The following MUC7 variants were observed in gnomAD, a reference collection of about 807,000 sequenced individuals.
The protein encoded by MUC7 is mucin-7.
A neutral mutation model predicts 2.5 loss-of-function variants in MUC7; 2 were observed. The ratio of observed to expected loss-of-function variants is 0.81; its 90% CI spans 0.33 to 2.55. MUC7 has a LOEUF of 2.55. MUC7 is among the 30% of genes most tolerant of loss of function. MUC7 has a pLI of 0.11. For synonymous variants in MUC7, 133 were observed against 173.4 expected (o/e 0.77, Z 1.83); for missense variants, 408 against 455.6 (o/e 0.90, Z 0.95).
At chr4:70,439,751 T>A (rs909012070) in intron 1 of MUC7, among the ~76,000 whole-genome samples, 3 of 152,102 alleles carry the variant, frequency 2.0e-5, no homozygotes, top group Non-Finnish European at 4.4e-5. Flanking sequence ...AGTGAAAATT[T>A]AAAAGCACTA....
upstream of MUC7, among the ~76,000 whole-genome samples, chr4:70,467,759 C>T (rs1485848723): frequency 2.0e-5 from 3 of 152,094 alleles, no homozygotes; most frequent in Admixed American, 1.3e-4. Context: ...GAAACTGAGG[C>T]AGTAATTAAT....
rs41459148 is a variant in MUC7, at chr4:70,481,270, A to T, written c.526A>T (p.Thr176Ser). 2,180 of 1,610,748 alleles carry T rather than the reference A, an allele frequency of 1.4e-3. 1 individual carries two copies. In the African/African-American group the frequency reaches 0.028, roughly 20 times the overall value. Residue 176 changes from threonine to serine, a missense_variant, in exon 3 of 3, where the codon ACA becomes TCA. Thr to Ser is a moderately conservative substitution (Grantham distance 58, BLOSUM62 1). Coordinates refer to ENST00000304887, the MANE Select transcript of MUC7 (RefSeq NM_152291.3). Reference protein sequence around the residue: ...TAAPPTPSATTPAPPSSSAPP... With the variant: ...TAAPPTPSATSPAPPSSSAPP... ...TGCCCCACCCACACCTTCTGCAACTACACCAGCTCCACCATCTTCCTCAGC... is the reference window on the plus strand; with the variant it reads ...TGCCCCACCCACACCTTCTGCAACTTCACCAGCTCCACCATCTTCCTCAGC...
intron 1 of MUC7, among the ~76,000 whole-genome samples, chr4:70,466,004 T>A (rs1395177527): frequency 6.6e-6 from 1 of 152,070 alleles, no homozygotes; most frequent in Non-Finnish European, 1.5e-5. Context: ...GAGAGAAAGG[T>A]CAGGTTACCC....
chr4:70,440,106 A>G (rs983736024), intron 1 of MUC7, among the ~76,000 whole-genome samples: 59 of 152,306 alleles, frequency 3.9e-4, no homozygotes, highest in African/African-American at 1.4e-3. Context: ...GGAAAGAAGG[A>G]AGTATAATTT....
intron 1 of MUC7, among the ~76,000 whole-genome samples, chr4:70,444,457 A>G (rs1414534074): frequency 6.6e-6 from 1 of 151,522 alleles, no homozygotes; most frequent in African/African-American, 2.4e-5. Flanking sequence ...CTATCACAAC[A>G]CCTTCCCCTA....
intron 2 of MUC7, 41 bp from the exon 3 acceptor site, chr4:70,480,730 TCAGCAGTGATCACCTGATTGATAAATGG>T: frequency 6.6e-7 from 1 of 1,510,212 alleles, no homozygotes; most frequent in Non-Finnish European, 9.0e-7. Flanking sequence ...CATCTCATGG[TCAGCAGTGATCACCTGATTGATAAATGG>T]ATACTTTTTT....
upstream of MUC7, among the ~76,000 whole-genome samples, chr4:70,468,438 G>A (rs189723485): frequency 1.2e-4 from 19 of 152,148 alleles, no homozygotes; most frequent in East Asian, 3.7e-3. Context: ...AGAAATAAAG[G>A]GTATTCAAAT....
chr4:70,466,109 A>G lies in MUC7; in HGVS notation c.-92-6106A>G, dbSNP rs559663845. ...AATATAGTGGGGGCCAATATTCAAC[A>G]TTCTTAAAGAAAAGAATTTTTGACC... On this transcript the variant is annotated intron_variant, in intron 1 of 3. Coordinates refer to the MUC7 transcript ENST00000413702. Among the ~76,000 whole-genome samples the G allele has an allele frequency of 1.6e-3, 240 of 152,362 alleles. 1 individual carries two copies. The highest frequency in any genetic ancestry group is 6.8e-3 in the Middle Eastern group (2 of 294).
At chr4:70,471,902 T>C (rs1003052008), upstream of MUC7, 3 of 152,160 alleles carry the variant, frequency 2.0e-5, no homozygotes, top group African/African-American at 7.2e-5. Flanking sequence ...GATGATCTGT[T>C]CCTGTTGGGA....
At chr4:70,466,901 A>T (rs1734698208) in intron 1 of MUC7, among the ~76,000 whole-genome samples, 1 of 152,254 alleles carries the variant, frequency 6.6e-6, no homozygotes, top group African/African-American at 2.4e-5. Flanking sequence ...ACTCTGGACC[A>T]AGTGGATCTA....
At chr4:70,467,073 T>G (rs1026227905) in intron 1 of MUC7, among the ~76,000 whole-genome samples, 1 of 152,164 alleles carries the variant, frequency 6.6e-6, no homozygotes, top group Non-Finnish European at 1.5e-5. Flanking sequence ...CAGACCACAG[T>G]GCAATCAAAT....
chr4:70,458,271 T>C (rs1734461588), intron 1 of MUC7, among the ~76,000 whole-genome samples: 1 of 152,096 alleles, frequency 6.6e-6, no homozygotes, highest in Non-Finnish European at 1.5e-5. Flanking sequence ...TCTCTACTTA[T>C]TCATAATTTA....
chr4:70,453,832 G>A (rs893416627), intron 1 of MUC7, among the ~76,000 whole-genome samples: 1 of 151,984 alleles, frequency 6.6e-6, no homozygotes, highest in African/African-American at 2.4e-5. Context: ...GTTATTCAGG[G>A]CCCTAGGGCT....
In MUC7 at chr4:70,450,560, C is replaced by T. The variant is rs557154230; in HGVS notation, c.-93+19873C>T. On this transcript the variant is annotated intron_variant, in intron 1 of 3. Coordinates refer to the MUC7 transcript ENST00000413702. ...ACAGCAGATAATGTGCTGAGTATCA[C>T]CTGAAGCCAGCAAGTCTCAGAGGCT... is the stretch of plus-strand genomic sequence containing the variant. Among the ~76,000 whole-genome samples, 241 of 152,266 alleles carry T rather than the reference C, an allele frequency of 1.6e-3. 1 individual carries two copies. Among genetic ancestry groups the T allele is most frequent in the Non-Finnish European group, 3.0e-3 (204 of 68,026 alleles).
chr4:70,434,226 T>C (rs959665194), intron 1 of MUC7, among the ~76,000 whole-genome samples: 1 of 152,216 alleles, frequency 6.6e-6, no homozygotes, highest in Non-Finnish European at 1.5e-5. Context: ...AGGATGATGC[T>C]GGCCTCATAA....
At chr4:70,458,598 G>A (rs1218775790) in intron 1 of MUC7, among the ~76,000 whole-genome samples, 1 of 151,596 alleles carries the variant, frequency 6.6e-6, no homozygotes, top group Admixed American at 6.6e-5. Context: ...AGGAAAAAAA[G>A]TAACAAAAAA....
chr4:70,437,670 T>C lies in MUC7; in HGVS notation c.-93+6983T>C, dbSNP rs776426960. 5.9e-4 allele frequency among the ~76,000 whole-genome samples: 90 copies of C among 152,286 alleles called. 1 individual carries two copies. Among genetic ancestry groups the C allele is most frequent in the Non-Finnish European group, 1.3e-4 (9 of 68,016 alleles). ...AGGAAAGGGAAATTCCCCGACTCCT[T>C]GCGCTTCCCAGGTGAGGCGACACCC... On this transcript the variant is annotated intron_variant, in intron 1 of 3. Coordinates refer to the MUC7 transcript ENST00000413702.
Position 70,481,106 on chromosome 4 carries a change from C to T in MUC7, c.362C>T (p.Thr121Ile), listed in dbSNP as rs1735156584. Residue 121 changes from threonine to isoleucine, a missense_variant, in exon 3 of 3, where the codon ACC (threonine) becomes ATC (isoleucine). Around this residue, in one of 3 missense-constraint regions of MUC7, gnomAD observed 225 missense variants for 240.5 expected, o/e 0.94. Coordinates refer to ENST00000304887, the MANE Select transcript of MUC7 (RefSeq NM_152291.3). Reference protein sequence around the residue: ...IPSVTFPSASTKITTLPNVTF... With the variant: ...IPSVTFPSASIKITTLPNVTF... ...TCTGTGACTTTCCCATCAGCTTCCA[C>T]CAAAATTACTACCCTTCCAAATGTG... The T allele has an allele frequency of 6.2e-7, 1 of 1,614,174 alleles. No homozygotes were observed. The highest frequency in any genetic ancestry group is 1.7e-5 in the Admixed American group (1 of 60,028).
chr4:70,451,345 C>T (rs1470410219), intron 1 of MUC7, among the ~76,000 whole-genome samples: 1 of 152,224 alleles, frequency 6.6e-6, no homozygotes, highest in African/African-American at 2.4e-5. Context: ...ACAGACAATT[C>T]ATTACTGTTT....
Sources: allele counts gnomAD v4.1 joint callset (sites outside exome capture counted in the v4.1 genomes callset), GRCh38; gene constraint gnomAD v4.1.1; regional missense constraint gnomAD v4.1.1; transcripts MANE v1.5; gene names NCBI Gene and HGNC (gene_info 2026-07-23, HGNC 2026-07-21).